Variants in RIF1 observed in about 807,000 individuals in gnomAD.
RIF1 encodes the protein telomere-associated protein RIF1.
RIF1 carries 45 observed loss-of-function variants against 247.1 expected under a neutral mutation model. The observed-to-expected ratio is 0.18, with a 90% CI of 0.14 to 0.23. The LOEUF is 0.23. Among genes scored for constraint, RIF1 ranks in the 10% least tolerant of loss-of-function variants. The pLI is 1.00. For missense variants in RIF1, 2,967 were observed against 2,862.5 expected (o/e 1.04, Z -0.83); for synonymous variants, 1,087 against 978.8 (o/e 1.11, Z -2.06).
chr2:151,463,530 G>A lies in RIF1; in HGVS notation c.4010G>A (p.Cys1337Tyr), dbSNP rs766688897. The change falls in exon 30 of 36, where the codon TGT becomes TAT. Residue 1337 changes from cysteine to tyrosine, a missense_variant. Transcript: ENST00000444746. ...NPPGLLNQTE[C>Y]VSDNQVHLSE... is the part of the protein sequence containing the mutation. ...CCTGGTTTGCTTAATCAAACAGAAT[G>A]TGTGTCAGATAATCAGGTTCATCTT... 1.9e-6 allele frequency: 3 copies of A among 1,613,924 alleles called. No homozygotes were observed. The highest frequency in any genetic ancestry group is 2.7e-5 in the African/African-American group (2 of 74,928).
At chr2:151,511,106 A>G (rs988177395), downstream of RIF1, among the ~76,000 whole-genome samples, 2 of 152,374 alleles carry the variant, frequency 1.3e-5, no homozygotes, top group African/African-American at 4.8e-5. Context: ...ATAGGTCCAC[A>G]TGCTGAAGCT....
intron 4 of RIF1, 69 bp downstream of exon 4, chr2:151,414,988 A>G (rs969340412): frequency 2.0e-6 from 2 of 979,610 alleles, no homozygotes; most frequent in Non-Finnish European, 1.6e-6. Flanking sequence ...AAGTAGTTTG[A>G]TGCTGTTAAA....
intron 10 of RIF1, chr2:151,499,221 T>A: frequency 1.3e-6 from 1 of 769,448 alleles, no homozygotes; most frequent in Non-Finnish European, 2.0e-6. Context: ...ATGAGTTGAT[T>A]AGATTTTTAA....
At chr2:151,490,203 G>A (rs2055172709) in intron 9 of RIF1, 1 of 1,179,252 alleles carries the variant, frequency 8.5e-7, no homozygotes, top group African/African-American at 1.5e-5. Flanking sequence ...AGAAATCAAA[G>A]AAAATGAAAC....
At chr2:151,415,358 GAA>G (rs1687012395) in intron 4 of RIF1, among the ~76,000 whole-genome samples, 1 of 141,190 alleles carries the variant, frequency 7.1e-6, no homozygotes. Context: ...AAAAAAAAAA[GAA>G]TGTTTAGATT....
At chr2:151,468,572 C>T in intron 32 of RIF1, 21 bp downstream of exon 32, 1 of 1,605,584 alleles carries the variant, frequency 6.2e-7, no homozygotes, top group Non-Finnish European at 8.5e-7. Context: ...CTTTAGTTTT[C>T]ATGTCACTTT....
chr2:151,454,662 C>G (rs1694904849), intron 21 of RIF1, among the ~76,000 whole-genome samples: 1 of 152,042 alleles, frequency 6.6e-6, no homozygotes, highest in African/African-American at 2.4e-5. Flanking sequence ...AATTCATATT[C>G]ATGATCCGCC....
chr2:151,474,053 T>C lies in RIF1; in HGVS notation c.7185T>C (p.Asp2395=). The C allele has an allele frequency of 6.6e-7, 1 of 1,517,548 alleles. No individual in the cohort carries two copies. The highest frequency in any genetic ancestry group is 9.1e-7 in the Non-Finnish European group (1 of 1,096,392). The allele number at this position is 1,517,548 out of a possible 1,614,324, so 94.0% of individuals were successfully genotyped here. Residue 2395 remains aspartate (D), a synonymous_variant, in exon 35 of 36, where the codon GAT becomes GAC. Transcript: ENST00000444746. ...TAGAAAATAAATCTTTGTCACCTGA[T>C]GAAGAAAGACTTGTCTCAGGTATAT... The part of the protein sequence containing the change: ...NGIENKSLSP[D]EERLVSDIID...
At position 151,478,464 on chromosome 2, in the gene RIF1, T is replaced by C. The variant is rs1420171643; in HGVS notation, c.*3393T>C. The C allele has an allele frequency of 6.9e-6, 1 of 144,996 alleles. No homozygotes were observed. The highest frequency in any genetic ancestry group is 6.8e-5 in the Admixed American group (1 of 14,720). 9.0% of individuals were successfully genotyped at this position (144,996 alleles called of 1,614,324 possible). On this transcript the variant is annotated 3_prime_UTR_variant, in exon 36 of 36. Transcript: ENST00000444746. ...TCATGCCATTGCGCGACAGAGCAAGTCTCTGTCTCGCAAAAAAAAAAAAAA... is the reference window on the plus strand; with the variant it reads ...TCATGCCATTGCGCGACAGAGCAAGCCTCTGTCTCGCAAAAAAAAAAAAAA...
intron 9 of RIF1, among the ~76,000 whole-genome samples, chr2:151,487,736 G>A (rs2052145951): frequency 6.6e-6 from 1 of 152,044 alleles, no homozygotes; most frequent in African/African-American, 2.4e-5. Flanking sequence ...CAAATGGCAT[G>A]TGTGTTTAAA....
Position 151,416,791 on chromosome 2 carries a change from T to C in RIF1, c.409-16T>C. On this transcript the variant is annotated splice_polypyrimidine_tract_variant and intron_variant, in intron 5 of 35. Coordinates refer to ENST00000444746, the MANE Select transcript of RIF1 (RefSeq NM_018151.5). ...TCAGGCTTATTTCATTTGTATTTAT[T>C]TGGTTCGTTTTTTAGGTATCCAGTA... The C allele has an allele frequency of 6.2e-7, 1 of 1,603,456 alleles. No individual in the cohort carries two copies. The highest frequency in any genetic ancestry group is 8.5e-7 in the Non-Finnish European group (1 of 1,174,700).
chr2:151,475,329 G>T lies in RIF1; in HGVS notation c.*258G>T. ...GGAAATTTAATTATCTTACTGAGAT[G>T]TGAAAGCAAAACTAGTAACAGAACT... On this transcript the variant is annotated 3_prime_UTR_variant, in exon 36 of 36. Coordinates refer to ENST00000444746, the MANE Select transcript of RIF1 (RefSeq NM_018151.5). The T allele has an allele frequency of 2.4e-6, 1 of 408,618 alleles. No individual in the cohort carries two copies. Among genetic ancestry groups the T allele is most frequent in the Non-Finnish European group, 4.4e-6 (1 of 227,996 alleles). The allele number at this position is 408,618 out of a possible 1,614,324, so 25.3% of individuals were successfully genotyped here.
At chr2:151,498,408 C>G in intron 10 of RIF1, 1 of 1,323,768 alleles carries the variant, frequency 7.6e-7, no homozygotes, top group Non-Finnish European at 1.1e-6. Context: ...TCATTTTCCC[C>G]CTGCTTTGGA....
chr2:151,533,536 T>A, the RIF1 span: 28 of 1,549,638 alleles, frequency 1.8e-5, no homozygotes, highest in African/African-American at 3.0e-4. Flanking sequence ...GGCACTAGAT[T>A]TATATTTTCT....
At chr2:151,471,706 T>C in intron 34 of RIF1, among the ~76,000 whole-genome samples, 1 of 152,192 alleles carries the variant, frequency 6.6e-6, no homozygotes, top group Non-Finnish European at 1.5e-5. Context: ...TTCTGAGGGC[T>C]CTGTTCTGTT....
In RIF1 at chr2:151,465,126, C is replaced by G. The variant is rs762531869; in HGVS notation, c.5606C>G (p.Ser1869Trp). 5 of 1,612,532 alleles carry G rather than the reference C, an allele frequency of 3.1e-6. No individual in the cohort carries two copies. Among genetic ancestry groups the G allele is most frequent in the South Asian group, 2.2e-5 (2 of 90,652 alleles). Residue 1869 changes from serine to tryptophan, a missense_variant, in exon 30 of 36, where the codon TCG becomes TGG. By Grantham distance (177) the Ser-to-Trp change is radical. This residue lies in a region of RIF1 where 2,028 missense variants were observed against 1,825.6 expected (regional missense o/e 1.11). Transcript: ENST00000444746. The stretch of plus-strand genomic sequence containing the variant: ...ACTGTTGGCCCGTGTTTAGGAGACT[C>G]GAAAAATGTTTCACAGGAATCTTTG... The part of the protein sequence containing the change: ...FKTVGPCLGD[S>W]KNVSQESLET...
In RIF1 at chr2:151,479,641, G is replaced by A. The variant is rs2049085555; in HGVS notation, c.*4570G>A. ...GTCACTTAATTTTCTGTTATATTAT[G>A]TGGTTGAAAATTCCTGTTTCATCGT... On this transcript the variant is annotated 3_prime_UTR_variant, in exon 36 of 36. Transcript: ENST00000444746. The A allele has an allele frequency of 6.6e-6, 1 of 152,132 alleles. No individual in the cohort carries two copies. The highest frequency in any genetic ancestry group is 1.5e-5 in the Non-Finnish European group (1 of 68,024). The allele number at this position is 152,132 out of a possible 1,614,324, so 9.4% of individuals were successfully genotyped here.
intron 9 of RIF1, among the ~76,000 whole-genome samples, chr2:151,430,024 C>CTTT (rs762360765): frequency 6.9e-6 from 1 of 145,288 alleles, no homozygotes; most frequent in Non-Finnish European, 1.5e-5. Context: ...TGTATAATAA[C>CTTT]TTTTTTTTTT....
chr2:151,472,175 T>C (rs977725358), intron 34 of RIF1, among the ~76,000 whole-genome samples: 1 of 152,174 alleles, frequency 6.6e-6, no homozygotes, highest in African/African-American at 2.4e-5. Context: ...TCTGTTTGTC[T>C]GTTATTGATG....
Sources: gnomAD v4.1 joint callset for allele counts (sites outside exome capture counted in the v4.1 genomes callset) on GRCh38, gnomAD v4.1.1 for gene constraint, gnomAD v4.1.1 regional missense constraint, MANE v1.5 for transcripts, NCBI Gene and HGNC (gene_info 2026-07-23, HGNC 2026-07-21) for gene names.